Variants in NAT10 observed in about 807,000 individuals in gnomAD.
NAT10 encodes the protein N-acetyltransferase 10, also known as RNA cytidine acetyltransferase.
A neutral mutation model predicts 132.2 loss-of-function variants in NAT10; 109 were observed. That is an observed-to-expected ratio of 0.82 (90% CI 0.71 to 0.97). The LOEUF (loss-of-function observed/expected upper bound fraction) is 0.97, where lower values mean the gene tolerates loss of function less well. Among genes scored for constraint, NAT10 ranks in the 50% least tolerant of loss-of-function variants. NAT10 has a pLI of 0.00. For missense variants in NAT10, 1,184 were observed against 1,263.4 expected, an observed-to-expected ratio of 0.94 and a Z score of 0.95; for synonymous variants, 479 against 478.0, an observed-to-expected ratio of 1.00 and a Z score of -0.03.
At chr11:34,128,473 C>G (rs376471520) in intron 12 of NAT10, among the ~76,000 whole-genome samples, 2 of 151,022 alleles carry the variant, frequency 1.3e-5, no homozygotes, top group South Asian at 2.1e-4. Flanking sequence ...TTCATTTGAA[C>G]AAGAAAAACA....
intron 21 of NAT10, among the ~76,000 whole-genome samples, chr11:34,137,860 C>T (rs1166941313): frequency 6.6e-6 from 1 of 152,130 alleles, no homozygotes; most frequent in Non-Finnish European, 1.5e-5. Context: ...GAATGGGAGT[C>T]AGCCCTGTTG....
Position 34,118,471 on chromosome 11 carries a change from G to A in NAT10, c.748G>A (p.Val250Met), listed in dbSNP as rs1565109551. 6.2e-7 allele frequency: 1 copy of A among 1,614,120 alleles called. No homozygotes were observed. The highest frequency in any genetic ancestry group is 8.5e-7 in the Non-Finnish European group (1 of 1,179,986). The change falls in exon 8 of 29, where the codon GTG becomes ATG. Residue 250 changes from valine to methionine, a missense_variant. Val to Met is a conservative substitution (Grantham distance 21, BLOSUM62 1). Coordinates refer to ENST00000257829, the MANE Select transcript of NAT10 (RefSeq NM_024662.3). ...CTTGCAGGACACCCAGCCTGTGGGT[G>A]TGTTGGTGGACTGCTGTAAGACTCT... The part of the protein sequence containing the change: ...ESLQDTQPVG[V>M]LVDCCKTLDQ...
At chr11:34,143,421 T>C in intron 27 of NAT10, 24 bp from the exon 28 acceptor site, 1 of 1,603,904 alleles carries the variant, frequency 6.2e-7, no homozygotes, top group African/African-American at 1.3e-5. Flanking sequence ...TAGCAGGCTT[T>C]GATAGTTCCC....
chr11:34,141,973 G>A, intron 26 of NAT10, 156 bp downstream of exon 26: 1 of 670,606 alleles, frequency 1.5e-6, no homozygotes. Context: ...AACGGACCCA[G>A]CATTGTCTGA....
chr11:34,111,561 T>A (rs1767014805), intron 3 of NAT10, among the ~76,000 whole-genome samples: 2 of 152,190 alleles, frequency 1.3e-5, no homozygotes, highest in South Asian at 4.1e-4. Context: ...CATTATTGTC[T>A]TATGTAAGAC....
intron 11 of NAT10, 38 bp downstream of exon 11, chr11:34,124,438 T>C (rs1360338794): frequency 1.4e-6 from 2 of 1,446,542 alleles, no homozygotes; most frequent in East Asian, 4.5e-5. Context: ...GCAGGGCCAG[T>C]GTCTTGCTGT....
intron 28 of NAT10, among the ~76,000 whole-genome samples, chr11:34,144,990 G>C (rs754159945): frequency 3.9e-5 from 6 of 152,222 alleles, no homozygotes; most frequent in Non-Finnish European, 5.9e-5. Context: ...ATCGATGCCG[G>C]CCTCATTTCC....
chr11:34,130,387 TC>T (rs1165237797), intron 12 of NAT10, among the ~76,000 whole-genome samples: 2 of 152,238 alleles, frequency 1.3e-5, no homozygotes, highest in Non-Finnish European at 2.9e-5. Context: ...TAAAAGCAGC[TC>T]CGTTAGTTGA....
At chr11:34,142,131 G>T (rs994558801) in intron 26 of NAT10, 144 bp from the exon 27 acceptor site, 5 of 753,818 alleles carry the variant, frequency 6.6e-6, no homozygotes, top group Non-Finnish European at 1.1e-5. Context: ...AATAATCAAA[G>T]CTGCCTACAA....
In NAT10 at chr11:34,106,863, G is replaced by A. The variant is rs142210441; in HGVS notation, c.-16+1071G>A. ...AGAAGGGACAGTTAAGGTATGGTAA[G>A]TTTCAGTAAATGAGCTTTATGTTTA... On this transcript the variant is annotated intron_variant, in intron 1 of 28. Transcript: ENST00000257829. 3.6e-3 allele frequency among the ~76,000 whole-genome samples: 552 copies of A among 152,286 alleles called. 4 individuals are homozygous for A. Among genetic ancestry groups the A allele is most frequent in the African/African-American group, 0.013 (520 of 41,558 alleles).
chr11:34,142,181 C>T, intron 26 of NAT10, 94 bp from the exon 27 acceptor site: 1 of 1,158,562 alleles, frequency 8.6e-7, no homozygotes. Context: ...AATGTTTTCT[C>T]ATCATTGTGC....
rs1851776728 is a variant in NAT10, at chr11:34,115,952, A to G, written c.557+68A>G. 6 of 1,526,126 alleles carry G rather than the reference A, an allele frequency of 3.9e-6. No homozygotes were observed. In the East Asian group the frequency reaches 6.8e-5, roughly 17 times the overall value. The allele number at this position is 1,526,126 out of a possible 1,614,324, so 94.5% of individuals were successfully genotyped here. A position where few individuals can be genotyped will look rare whatever the true frequency, so the allele number is the denominator to read the frequency against. On this transcript the variant is annotated intron_variant, in intron 6 of 28. Transcript: ENST00000257829. Reference sequence around the variant, plus strand: ...GAGGGACATTTTTATCTTGGACTCAACTGAAAACTTTGCTTTTATATTGGG... The same window carrying G: ...GAGGGACATTTTTATCTTGGACTCAGCTGAAAACTTTGCTTTTATATTGGG...
At position 34,136,729 on chromosome 11, in the gene NAT10, C is replaced by T. The variant is rs771064893; in HGVS notation, c.2116C>T (p.Leu706=). ...ATTGAATGAGAGGCCTGCCGAACGC[C>T]TGGATTACCTGGGTGTTTCCTATGG... is the stretch of plus-strand genomic sequence containing the variant. ...LKLNERPAER[L]DYLGVSYGLT... Residue 706 remains leucine, a synonymous_variant, in exon 20 of 29, where the codon CTG becomes TTG. Transcript: ENST00000257829. 6.2e-7 allele frequency: 1 copy of T among 1,614,048 alleles called. No individual in the cohort carries two copies. The highest frequency in any genetic ancestry group is 1.3e-5 in the African/African-American group (1 of 74,908).
intron 8 of NAT10, among the ~76,000 whole-genome samples, chr11:34,119,918 A>T (rs1851858482): frequency 6.6e-6 from 1 of 152,162 alleles, no homozygotes; most frequent in African/African-American, 2.4e-5. Context: ...GTGTATTCAA[A>T]TGGGTGTTGT....
intron 28 of NAT10, among the ~76,000 whole-genome samples, chr11:34,145,860 A>G (rs1852430251): frequency 6.6e-6 from 1 of 152,140 alleles, no homozygotes; most frequent in Non-Finnish European, 1.5e-5. Flanking sequence ...CCACAGACTA[A>G]GAGCTGGCTC....
At chr11:34,106,984 T>G (rs904649374) in intron 1 of NAT10, 1 of 151,994 alleles carries the variant, frequency 6.6e-6, no homozygotes, top group Admixed American at 6.6e-5. Context: ...GTTTTTTTGA[T>G]GTATTTATTG....
In NAT10 at chr11:34,116,097, G is replaced by A. The variant is rs546473269; in HGVS notation, c.557+213G>A. 3.3e-5 allele frequency among the ~76,000 whole-genome samples: 5 copies of A among 152,336 alleles called. No individual in the cohort carries two copies. In the East Asian group the frequency reaches 9.6e-4, roughly 29 times the overall value. On this transcript the variant is annotated intron_variant, in intron 6 of 28. Transcript: ENST00000257829. The stretch of plus-strand genomic sequence containing the variant: ...AGCCAGGAAACCTCAATTTTGTCTT[G>A]CTGCTGGCCTTGACAGCTCAGTTAA...
rs968253578 is a variant in NAT10 at position 34,118,470 on chromosome 11, T to G, written c.747T>G (p.Gly249=). The part of the protein sequence containing the change: ...KESLQDTQPV[G]VLVDCCKTLD... Reference sequence around the variant, plus strand: ...GCTTGCAGGACACCCAGCCTGTGGGTGTGTTGGTGGACTGCTGTAAGACTC... The same window carrying G: ...GCTTGCAGGACACCCAGCCTGTGGGGGTGTTGGTGGACTGCTGTAAGACTC... Residue 249 remains glycine (G), a synonymous_variant, in exon 8 of 29, where the codon GGT becomes GGG. Transcript: ENST00000257829. 1.4e-5 allele frequency: 23 copies of G among 1,613,982 alleles called. No individual in the cohort carries two copies. The highest frequency in any genetic ancestry group is 1.9e-5 in the Non-Finnish European group (22 of 1,179,992).
intron 12 of NAT10, among the ~76,000 whole-genome samples, chr11:34,129,191 T>C (rs1169468458): frequency 1.3e-5 from 2 of 152,228 alleles, no homozygotes; most frequent in East Asian, 3.8e-4. Flanking sequence ...AACTCTATGT[T>C]AGACCATGCG....
Sources: gnomAD v4.1 joint callset for allele counts (sites outside exome capture counted in the v4.1 genomes callset) on GRCh38, gnomAD v4.1.1 for gene constraint, MANE v1.5 for transcripts, NCBI Gene and HGNC (gene_info 2026-07-23, HGNC 2026-07-21) for gene names.